The following CHSY1 variants were observed in gnomAD, a reference collection of about 807,000 sequenced individuals.
CHSY1 encodes N-acetylgalactosaminyl-proteoglycan 3-beta-glucuronosyltransferase 1.
CHSY1 carries 13 observed loss-of-function variants against 59.8 expected under a neutral mutation model. The observed-to-expected ratio is 0.22, with a 90% CI of 0.14 to 0.35. The LOEUF is 0.35. CHSY1 is among the 10% of genes least tolerant of loss of function. The pLI is 1.00. For missense variants in CHSY1, 947 were observed against 1,030.6 expected, an observed-to-expected ratio of 0.92 and a Z score of 1.11; for synonymous variants, 459 against 401.2, an observed-to-expected ratio of 1.14 and a Z score of -1.72.
chr15:101,242,384 G>C (rs1257520843), intron 1 of CHSY1, among the ~76,000 whole-genome samples: 1 of 152,200 alleles, frequency 6.6e-6, no homozygotes. Flanking sequence ...GCCATCACGT[G>C]ACCTACGGAT....
At chr15:101,216,194 C>T (rs1413261489) in intron 2 of CHSY1, among the ~76,000 whole-genome samples, 1 of 140,610 alleles carries the variant, frequency 7.1e-6, no homozygotes, top group African/African-American at 2.6e-5. Flanking sequence ...AAAAATGAGA[C>T]ACCGCTATAT....
At position 101,251,201 on chromosome 15, in the gene CHSY1, A is replaced by C. The variant is rs2039106871; in HGVS notation, c.256T>G (p.Phe86Val). The C allele has an allele frequency of 3.8e-6, 6 of 1,599,822 alleles. No individual in the cohort carries two copies. Among genetic ancestry groups the C allele is most frequent in the Non-Finnish European group, 3.4e-6 (4 of 1,176,690 alleles). The change falls in exon 1 of 3, where the codon TTT becomes GTT. Residue 86 changes from phenylalanine to valine, a missense_variant. Phe to Val is a conservative substitution (Grantham distance 50). This residue lies in a region of CHSY1 where 232 missense variants were observed against 188.5 expected (regional missense o/e 1.23). Coordinates refer to ENST00000254190, the MANE Select transcript of CHSY1 (RefSeq NM_014918.5). ...DPDGGPRDRNFLFVGVMTAQK... is the reference protein window; with the variant it reads ...DPDGGPRDRNVLFVGVMTAQK... ...GCGGTCATGACTCCCACGAAGAGAA[A>C]GTTCCTGTCGCGCGGGCCGCCATCT...
At chr15:101,248,520 A>G (rs117427984) in intron 1 of CHSY1, among the ~76,000 whole-genome samples, 1,802 of 152,324 alleles carry the variant, frequency 0.012, 22 homozygotes, top group Admixed American at 0.022. Context: ...GCTGGACACT[A>G]TCTCCTGGTA....
rs535765036 is a variant in CHSY1, at chr15:101,195,637, C to T, written c.817-16657G>A. ...GAGATCGAAACCATACTAGCTAACA[C>T]GGTGAAACCCTGTTTCTACTAAAAA... On this transcript the variant is annotated intron_variant, in intron 2 of 2. Coordinates refer to ENST00000254190, the MANE Select transcript of CHSY1 (RefSeq NM_014918.5). Among the ~76,000 whole-genome samples the T allele has an allele frequency of 5.3e-5, 8 of 152,198 alleles. No individual in the cohort carries two copies. In the East Asian group the frequency reaches 5.8e-4, roughly 11 times the overall value.
chr15:101,241,880 A>AGG (rs1233886233), intron 1 of CHSY1, among the ~76,000 whole-genome samples: 1 of 152,224 alleles, frequency 6.6e-6, no homozygotes, highest in East Asian at 1.9e-4. Context: ...CAAAATCCAC[A>AGG]GACGCTTTAG....
chr15:101,238,650 T>C (rs1033215190), intron 1 of CHSY1, among the ~76,000 whole-genome samples: 10 of 152,214 alleles, frequency 6.6e-5, no homozygotes, highest in Non-Finnish European at 8.8e-5. Context: ...GGATATAAGA[T>C]GGTGTTGTTA....
intron 2 of CHSY1, among the ~76,000 whole-genome samples, chr15:101,220,863 C>T (rs1391034213): frequency 6.6e-6 from 1 of 152,198 alleles, no homozygotes; most frequent in Non-Finnish European, 1.5e-5. Flanking sequence ...AACGTCCTTT[C>T]CCAGATATGA....
intron 2 of CHSY1, among the ~76,000 whole-genome samples, chr15:101,193,286 C>T (rs1444611872): frequency 6.6e-6 from 1 of 152,170 alleles, no homozygotes; most frequent in Non-Finnish European, 1.5e-5. Flanking sequence ...GAGACAGCAG[C>T]GAGGGCAGGG....
intron 1 of CHSY1, among the ~76,000 whole-genome samples, chr15:101,248,161 A>G (rs1005309827): frequency 6.6e-6 from 1 of 152,236 alleles, no homozygotes; most frequent in Non-Finnish European, 1.5e-5. Flanking sequence ...ACCTTGTGCT[A>G]GAAGAGTCAA....
chr15:101,212,205 G>C (rs2038688730), intron 2 of CHSY1, among the ~76,000 whole-genome samples: 1 of 152,172 alleles, frequency 6.6e-6, no homozygotes, highest in South Asian at 2.1e-4. Context: ...CTCTCATACG[G>C]TGCTGTTGGG....
intron 2 of CHSY1, among the ~76,000 whole-genome samples, chr15:101,195,290 A>G (rs1163782846): frequency 6.6e-6 from 1 of 152,240 alleles, no homozygotes; most frequent in Non-Finnish European, 1.5e-5. Flanking sequence ...ATCACACCTG[A>G]GCAATAATCA....
intron 2 of CHSY1, among the ~76,000 whole-genome samples, chr15:101,206,217 T>C (rs2038625332): frequency 6.6e-6 from 1 of 152,198 alleles, no homozygotes; most frequent in African/African-American, 2.4e-5. Flanking sequence ...GAGATAAGAC[T>C]AGGGCTGCAC....
intron 1 of CHSY1, among the ~76,000 whole-genome samples, chr15:101,238,802 T>A (rs1240820687): frequency 6.6e-6 from 1 of 152,226 alleles, no homozygotes; most frequent in Admixed American, 6.5e-5. Flanking sequence ...CAGATACTGT[T>A]CTAGGTACTG....
At chr15:101,224,911 G>A (rs1456242981) in intron 2 of CHSY1, among the ~76,000 whole-genome samples, 3 of 152,152 alleles carry the variant, frequency 2.0e-5, no homozygotes, top group African/African-American at 4.8e-5. Context: ...CAAAAGCTTC[G>A]ATGATGCCAT....
chr15:101,182,279 G>C (rs1353816365), intron 2 of CHSY1, among the ~76,000 whole-genome samples: 1 of 152,144 alleles, frequency 6.6e-6, no homozygotes, highest in Non-Finnish European at 1.5e-5. Flanking sequence ...TATAAGAACT[G>C]CAAGAGATCG....
intron 2 of CHSY1, among the ~76,000 whole-genome samples, chr15:101,194,467 A>C (rs1396284174): frequency 6.6e-6 from 1 of 152,222 alleles, no homozygotes; most frequent in Admixed American, 6.5e-5. Context: ...GTAATTTCTA[A>C]ACTAATTTTA....
rs1458091343 is a variant in CHSY1, at chr15:101,176,054, T to C, written c.*1334A>G. 10 of 386,842 alleles carry C rather than the reference T, an allele frequency of 2.6e-5. No homozygotes were observed. The South Asian group carries it at 5.8e-4, about 22-fold the overall frequency. The allele number at this position is 386,842 out of a possible 1,614,324, so 24.0% of individuals were successfully genotyped here. A position where few individuals can be genotyped will look rare whatever the true frequency, so the allele number is the denominator to read the frequency against. Reference sequence around the variant, plus strand: ...AAAATTGTCAAAGAACACTTAATATTTAGTAAAACAGTAAGGAATATAAAA... The same window carrying C: ...AAAATTGTCAAAGAACACTTAATATCTAGTAAAACAGTAAGGAATATAAAA... On this transcript the variant is annotated 3_prime_UTR_variant, in exon 3 of 3. Coordinates refer to ENST00000254190, the MANE Select transcript of CHSY1 (RefSeq NM_014918.5).
intron 1 of CHSY1, among the ~76,000 whole-genome samples, chr15:101,243,699 A>G (rs1197955618): frequency 6.6e-6 from 1 of 152,232 alleles, no homozygotes; most frequent in Non-Finnish European, 1.5e-5. Context: ...CCCAGCATGC[A>G]TGGCTTGGCG....
At chr15:101,196,861 T>C (rs1393966970) in intron 2 of CHSY1, among the ~76,000 whole-genome samples, 3 of 152,202 alleles carry the variant, frequency 2.0e-5, no homozygotes, top group African/African-American at 7.2e-5. Flanking sequence ...TCATTTGTAT[T>C]TGAAAGAAAA....
Sources: allele counts gnomAD v4.1 joint callset (sites outside exome capture counted in the v4.1 genomes callset), GRCh38; gene constraint gnomAD v4.1.1; regional missense constraint gnomAD v4.1.1; transcripts MANE v1.5; gene names NCBI Gene and HGNC (gene_info 2026-07-23, HGNC 2026-07-21).